The following TEX14 variants were observed in gnomAD, a reference collection of about 807,000 sequenced individuals.
TEX14 encodes inactive serine/threonine-protein kinase TEX14.
In TEX14, 168 loss-of-function variants were observed where a neutral mutation model predicts 178.6. The observed-to-expected ratio is 0.94, with a 90% CI of 0.83 to 1.07. TEX14 has a LOEUF of 1.07. Ranked by LOEUF, TEX14 falls within the 50% of genes least tolerant of loss-of-function variation. The probability of loss-of-function intolerance (pLI) is 0.00; values close to 1 mark genes in which losing one functional copy is unlikely to be tolerated. For synonymous variants in TEX14, 626 were observed against 634.1 expected (o/e 0.99, Z 0.19); for missense variants, 1,730 against 1,753.6 (o/e 0.99, Z 0.24).
At position 58,584,502 on chromosome 17, in the gene TEX14, T is replaced by C. The variant is rs773821707; in HGVS notation, c.3169A>G (p.Ser1057Gly). The C allele has an allele frequency of 1.9e-6, 3 of 1,611,912 alleles. No homozygotes were observed. The South Asian group carries it at 3.3e-5, about 18-fold the overall frequency. ...GCTTTCCAGGCAGTATTACTTACACTGTAAGATTTCTCTACAGCCACCAAT... is the reference window on the plus strand; with the variant it reads ...GCTTTCCAGGCAGTATTACTTACACCGTAAGATTTCTCTACAGCCACCAAT... Reference protein sequence around the residue: ...DTLVAVEKSYSTSSPIEEDFE... With the variant: ...DTLVAVEKSYGTSSPIEEDFE... The change falls in exon 19 of 32, where the codon AGT becomes GGT. Residue 1057 changes from serine to glycine, a missense_variant and splice_region_variant. Physicochemically the swap from Ser to Gly is moderately conservative, Grantham distance 56. Around this residue, in one of 2 missense-constraint regions of TEX14, gnomAD observed 941 missense variants for 1,072.4 expected, o/e 0.88. Coordinates refer to ENST00000349033, the MANE Select transcript of TEX14 (RefSeq NM_031272.5).
rs772253260 is a variant in TEX14, at chr17:58,571,926, C to T, written c.3712G>A (p.Gly1238Ser). 2.1e-5 allele frequency: 34 copies of T among 1,612,844 alleles called. No individual in the cohort carries two copies. The Admixed American group carries it at 4.8e-4, about 23-fold the overall frequency. ...SSETPPSRLT[G>S]LKRLSSFIGA... Reference sequence around the variant, plus strand: ...CGTGGAATTGATATACTTACAAGACCAGTCAGTCTTGAAGGGGGAGTTTCA... The same window carrying T: ...CGTGGAATTGATATACTTACAAGACTAGTCAGTCTTGAAGGGGGAGTTTCA... The change falls in exon 24 of 32, where the codon GGT (glycine) becomes AGT (serine). Residue 1238 changes from glycine (G) to serine (S), a missense_variant. Around this residue, in one of 2 missense-constraint regions of TEX14, gnomAD observed 941 missense variants for 1,072.4 expected, o/e 0.88. Coordinates refer to ENST00000349033, the MANE Select transcript of TEX14 (RefSeq NM_031272.5).
At chr17:58,619,746 G>A (rs927460860) in intron 5 of TEX14, among the ~76,000 whole-genome samples, 1 of 148,118 alleles carries the variant, frequency 6.8e-6, no homozygotes, top group Non-Finnish European at 1.5e-5. Flanking sequence ...AGGTTGTGGT[G>A]AGCCGAGATT....
chr17:58,673,040 T>C (rs1188340139), intron 1 of TEX14, among the ~76,000 whole-genome samples: 4 of 151,986 alleles, frequency 2.6e-5, no homozygotes, highest in African/African-American at 9.7e-5. Flanking sequence ...CCGGCATTCC[T>C]TTTATACATA....
intron 1 of TEX14, among the ~76,000 whole-genome samples, chr17:58,652,454 T>C (rs2046859747): frequency 6.6e-6 from 1 of 152,158 alleles, no homozygotes. Context: ...TTTTGCTCAG[T>C]ACTTCTCCTT....
At chr17:58,613,277 T>C (rs752684230) in intron 9 of TEX14, 144 bp downstream of exon 9, 5 of 966,406 alleles carry the variant, frequency 5.2e-6, no homozygotes, top group Non-Finnish European at 7.8e-6. Context: ...AAATAGCATG[T>C]TATACAGCCC....
Position 58,569,253 on chromosome 17 carries a change from G to A in TEX14, c.3825C>T (p.Ala1275=), listed in dbSNP as rs2044468728. The change falls in exon 26 of 32, where the codon GCC becomes GCT. Residue 1275 remains alanine, a synonymous_variant. Transcript: ENST00000349033. The surrounding 1 kb of genome is among the most constrained non-coding windows in gnomAD (Gnocchi z 4.1). ...TQRRSLPKVE[A]FSQHHIDELP... ...GCTCATCAATGTGATGCTGTGAGAA[G>A]GCTTCTACTAGTTTTTAAAAAAGAC... is the stretch of plus-strand genomic sequence containing the variant. The A allele has an allele frequency of 6.2e-7, 1 of 1,613,812 alleles. No homozygotes were observed.
At chr17:58,564,547 G>C (rs1291973570) in intron 28 of TEX14, among the ~76,000 whole-genome samples, 1 of 152,190 alleles carries the variant, frequency 6.6e-6, no homozygotes, top group East Asian at 1.9e-4. Context: ...AATGGGTATA[G>C]AGTTTCAGTT....
intron 1 of TEX14, chr17:58,660,449 C>T (rs2047085149): frequency 5.6e-6 from 3 of 538,828 alleles, no homozygotes; most frequent in South Asian, 7.7e-5. Context: ...TTATTGAACT[C>T]AAAGCAACAT....
Position 58,599,376 on chromosome 17 carries a change from G to T in TEX14, c.1969C>A (p.Leu657Met), listed in dbSNP as rs754688989. The T allele has an allele frequency of 1.2e-6, 2 of 1,614,170 alleles. No homozygotes were observed. Among genetic ancestry groups the T allele is most frequent in the Non-Finnish European group, 1.7e-6 (2 of 1,180,042 alleles). The stretch of plus-strand genomic sequence containing the variant: ...TCCAGCTCTTCTTCCATGGATTTCA[G>T]TTCATCTACCTGGTTAGGTCCGTCT... The part of the protein sequence containing the change: ...EADGPNQVDE[L>M]KSMEEELDKM... The change falls in exon 14 of 32, where the codon CTG (leucine) becomes ATG (methionine). Residue 657 changes from leucine to methionine, a missense_variant. Transcript: ENST00000349033.
At chr17:58,612,203 T>C (rs2144517525) in intron 9 of TEX14, among the ~76,000 whole-genome samples, 1 of 151,844 alleles carries the variant, frequency 6.6e-6, no homozygotes, top group South Asian at 2.1e-4. Flanking sequence ...CAAATGAAAA[T>C]GTAGGAAAAT....
intron 1 of TEX14, chr17:58,659,229 A>C: frequency 4.2e-6 from 2 of 475,760 alleles, no homozygotes; most frequent in Non-Finnish European, 5.2e-6. Context: ...CGCGGGAGCA[A>C]ACACATAGTA....
rs869053538 is a variant in TEX14, at chr17:58,684,671, AAATAAAT to A, written c.-2+7261_-2+7267del. Among the ~76,000 whole-genome samples, 3 of 140,176 alleles carry A rather than the reference AAATAAAT, an allele frequency of 2.1e-5. No individual in the cohort carries two copies. In the East Asian group the frequency reaches 6.3e-4, roughly 29 times the overall value. The allele number at this position is 140,176 out of a possible 152,430, so 92.0% of individuals were successfully genotyped here. A position where few individuals can be genotyped will look rare whatever the true frequency, so the allele number is the denominator to read the frequency against. ...TAAATAAATAAATAAATAAATAAAT[AAATAAAT>A]AAAAAGCTTTCTTCCTCCTACCACT... On this transcript the variant is annotated intron_variant, in intron 1 of 31. Transcript: ENST00000349033.
At chr17:58,617,738 G>C (rs1023181924) in intron 5 of TEX14, 119 bp from the exon 6 acceptor site, 1 of 650,360 alleles carries the variant, frequency 1.5e-6, no homozygotes, top group Non-Finnish European at 2.6e-6. Context: ...TAGACTTTCT[G>C]TTACAAAACT....
chr17:58,570,129 A>G (rs1272866761), intron 25 of TEX14, among the ~76,000 whole-genome samples: 1 of 150,760 alleles, frequency 6.6e-6, no homozygotes, highest in Non-Finnish European at 1.5e-5. Context: ...ATGCTAAAAC[A>G]TATTATTATA....
Position 58,599,130 on chromosome 17 carries a change from T to A in TEX14, c.2215A>T (p.Thr739Ser), listed in dbSNP as rs2045364738. 2 of 1,614,068 alleles carry A rather than the reference T, an allele frequency of 1.2e-6. No individual in the cohort carries two copies. The highest frequency in any genetic ancestry group is 8.5e-7 in the Non-Finnish European group (1 of 1,180,054). The part of the protein sequence containing the change: ...KCVLDLKIMQ[T>S]IMHENDDRLR... ...CTATCATCATTCTCGTGCATTATTG[T>A]CTGCATAATCTTTAGATCCAGCACA... is the stretch of plus-strand genomic sequence containing the variant. Residue 739 changes from threonine (T) to serine (S), a missense_variant, in exon 14 of 32, where the codon ACA becomes TCA. Around this residue, in one of 2 missense-constraint regions of TEX14, gnomAD observed 941 missense variants for 1,072.4 expected, o/e 0.88. Coordinates refer to ENST00000349033, the MANE Select transcript of TEX14 (RefSeq NM_031272.5).
rs1351165234 is a variant in TEX14, at chr17:58,588,223, A to G, written c.2577-202T>C. 2.6e-5 allele frequency among the ~76,000 whole-genome samples: 4 copies of G among 152,200 alleles called. No individual in the cohort carries two copies. In the East Asian group the frequency reaches 7.7e-4, roughly 29 times the overall value. On this transcript the variant is annotated intron_variant, in intron 15 of 31. Coordinates refer to ENST00000349033, the MANE Select transcript of TEX14 (RefSeq NM_031272.5). ...TGCCACAAATCACAGGTGATGGTTC[A>G]GGTGAGGGTTCTGCTCCTGCCCGTC...
At chr17:58,624,021 C>T (rs994122975) in intron 3 of TEX14, among the ~76,000 whole-genome samples, 4 of 152,164 alleles carry the variant, frequency 2.6e-5, no homozygotes, top group Admixed American at 6.5e-5. Context: ...TGGTGGCTCA[C>T]GCCTGTAATC....
At chr17:58,563,662 G>T (rs866002382) in intron 28 of TEX14, among the ~76,000 whole-genome samples, 996 of 18,338 alleles carry the variant, frequency 0.054, no homozygotes, top group African/African-American at 0.11. Context: ...TATATATAGA[G>T]AGAGAGAGAG....
chr17:58,557,872 G>C (rs1173026205), intron 30 of TEX14, 22 bp from the exon 31 acceptor site: 1 of 1,597,880 alleles, frequency 6.3e-7, no homozygotes, highest in Non-Finnish European at 8.6e-7. Context: ...ATAAGAGGAA[G>C]GAAAAAACAA....
Sources: allele counts gnomAD v4.1 joint callset (sites outside exome capture counted in the v4.1 genomes callset), GRCh38; gene constraint gnomAD v4.1.1; regional missense constraint gnomAD v4.1.1; non-coding constraint Gnocchi (gnomAD v3.1); transcripts MANE v1.5; gene names NCBI Gene and HGNC (gene_info 2026-07-23, HGNC 2026-07-21).